The following CAPZA2 variants were observed in gnomAD, a reference collection of about 807,000 sequenced individuals.
CAPZA2 encodes the protein capping actin protein of muscle Z-line subunit alpha 2.
Under a neutral mutation model 44.0 loss-of-function variants are expected in CAPZA2, and 13 were observed. The ratio of observed to expected loss-of-function variants is 0.30; its 90% CI spans 0.19 to 0.47. The LOEUF (loss-of-function observed/expected upper bound fraction) is 0.47. CAPZA2 is among the 20% of genes least tolerant of loss of function. The probability of loss-of-function intolerance (pLI) is 1.00; values close to 1 mark genes in which losing one functional copy is unlikely to be tolerated. For synonymous variants in CAPZA2, 94 were observed against 108.2 expected, an observed-to-expected ratio of 0.87 and a Z score of 0.81; for missense variants, 244 against 338.6, an observed-to-expected ratio of 0.72 and a Z score of 2.19.
chr7:116,912,147 A>G lies in CAPZA2; in HGVS notation c.657+7A>G. 1 of 1,611,634 alleles carries G rather than the reference A, an allele frequency of 6.2e-7. No individual in the cohort carries two copies. Among genetic ancestry groups the G allele is most frequent in the Non-Finnish European group, 8.5e-7 (1 of 1,178,862 alleles). On this transcript the variant is annotated splice_region_variant and intron_variant, in intron 8 of 9. Transcript: ENST00000361183. Reference sequence around the variant, plus strand: ...AGATTCCCTAACAGTGTCTGTAAGTAATTAATTCCACAATAAAATTTAACC... The same window carrying G: ...AGATTCCCTAACAGTGTCTGTAAGTGATTAATTCCACAATAAAATTTAACC...
chr7:116,907,770 G>C (rs572841898), intron 6 of CAPZA2, among the ~76,000 whole-genome samples: 49 of 152,198 alleles, frequency 3.2e-4, no homozygotes, highest in Admixed American at 1.1e-3. Flanking sequence ...TTCACATGGT[G>C]CCCAACTTGT....
At chr7:116,908,824 A>G (rs1791549552) in intron 6 of CAPZA2, among the ~76,000 whole-genome samples, 1 of 152,136 alleles carries the variant, frequency 6.6e-6, no homozygotes, top group Admixed American at 6.5e-5. Flanking sequence ...TCTTTGAAAA[A>G]TCTTGGATGA....
Position 116,921,681 on chromosome 7 carries a change from CAAAAA to C in CAPZA2, c.*3817_*3821del, listed in dbSNP as rs901098470. On this transcript the variant is annotated 3_prime_UTR_variant, in exon 10 of 10. Transcript: ENST00000361183. The stretch of plus-strand genomic sequence containing the variant: ...TGGGTGACAGGGTGAGAGTCTGTCT[CAAAAA>C]AAGAAAAAGGAAATGTAAGAAGTGG... 1 of 151,376 alleles carries C rather than the reference CAAAAA, an allele frequency of 6.6e-6. No individual in the cohort carries two copies. The highest frequency in any genetic ancestry group is 6.6e-5 in the Admixed American group (1 of 15,202). 9.4% of individuals were successfully genotyped at this position (151,376 alleles called of 1,614,324 possible). A position where few individuals can be genotyped will look rare whatever the true frequency, so the allele number is the denominator to read the frequency against.
intron 2 of CAPZA2, among the ~76,000 whole-genome samples, chr7:116,891,807 G>A (rs768387927): frequency 3.3e-5 from 5 of 152,128 alleles, no homozygotes; most frequent in South Asian, 2.1e-4. Context: ...CACCACACCC[G>A]GCCAGGATAT....
intron 2 of CAPZA2, among the ~76,000 whole-genome samples, chr7:116,890,615 T>C (rs371020197): frequency 2.3e-3 from 170 of 74,890 alleles, no homozygotes; most frequent in South Asian, 8.7e-3. Flanking sequence ...CACACACACA[T>C]ATATACAAAA....
chr7:116,889,051 A>G (rs959921557), intron 2 of CAPZA2, among the ~76,000 whole-genome samples: 3 of 152,240 alleles, frequency 2.0e-5, no homozygotes, highest in Non-Finnish European at 2.9e-5. Context: ...ACTTCACAGT[A>G]TGCGTTCCTT....
intron 1 of CAPZA2, among the ~76,000 whole-genome samples, chr7:116,881,068 A>G (rs1360017420): frequency 6.6e-6 from 1 of 152,060 alleles, no homozygotes; most frequent in Non-Finnish European, 1.5e-5. Context: ...CTTTCACATT[A>G]CTTACATGGA....
chr7:116,863,559 C>T (rs897076662), intron 1 of CAPZA2, among the ~76,000 whole-genome samples: 2 of 152,234 alleles, frequency 1.3e-5, no homozygotes, highest in South Asian at 4.1e-4. Context: ...CTGCTGCTCT[C>T]TTAATTCGCC....
At chr7:116,911,956 A>C in intron 7 of CAPZA2, 113 bp from the exon 8 acceptor site, 1 of 1,529,366 alleles carries the variant, frequency 6.5e-7, no homozygotes, top group Non-Finnish European at 8.8e-7. Flanking sequence ...CTCAGCAGAG[A>C]AGTCTAGACT....
chr7:116,907,577 A>G (rs1708555725), intron 6 of CAPZA2, among the ~76,000 whole-genome samples: 1 of 152,186 alleles, frequency 6.6e-6, no homozygotes, highest in South Asian at 2.1e-4. Flanking sequence ...TAAGCTTACT[A>G]ATTTGTCTTT....
At chr7:116,879,957 T>C in intron 1 of CAPZA2, 1 of 362,090 alleles carries the variant, frequency 2.8e-6, no homozygotes, top group Non-Finnish European at 5.4e-6. Context: ...TGTTTATTTA[T>C]TCAGCTAATA....
At chr7:116,914,369 A>G (rs887135840) in intron 8 of CAPZA2, among the ~76,000 whole-genome samples, 1 of 151,884 alleles carries the variant, frequency 6.6e-6, no homozygotes, top group Non-Finnish European at 1.5e-5. Flanking sequence ...TTTAAGAAAC[A>G]TGTATGAATG....
chr7:116,905,095 C>A (rs1335424027), intron 5 of CAPZA2, among the ~76,000 whole-genome samples: 1 of 148,196 alleles, frequency 6.7e-6, no homozygotes, highest in Non-Finnish European at 1.5e-5. Context: ...GCCGAGATTG[C>A]GCCACTCCAC....
At chr7:116,910,067 A>G in intron 6 of CAPZA2, 166 bp from the exon 7 acceptor site, 2 of 635,434 alleles carry the variant, frequency 3.1e-6, no homozygotes, top group Non-Finnish European at 5.7e-6. Context: ...TCATAACTGG[A>G]CTTAACCTTT....
chr7:116,892,886 G>T (rs1796867923), intron 2 of CAPZA2, 108 bp from the exon 3 acceptor site: 4 of 494,642 alleles, frequency 8.1e-6, no homozygotes, highest in Non-Finnish European at 1.1e-5. Flanking sequence ...TTTTGATCTT[G>T]CTTGTGTTTG....
intron 2 of CAPZA2, among the ~76,000 whole-genome samples, chr7:116,891,191 A>G (rs975490457): frequency 5.3e-5 from 8 of 151,980 alleles, no homozygotes; most frequent in African/African-American, 1.9e-4. Flanking sequence ...TATTTCTTCT[A>G]CTCTTCTTAT....
chr7:116,900,735 A>G (rs796310246), intron 4 of CAPZA2, among the ~76,000 whole-genome samples: 35 of 152,296 alleles, frequency 2.3e-4, no homozygotes, highest in African/African-American at 8.2e-4. Flanking sequence ...CAGACAACCT[A>G]CAGAATGGGA....
In CAPZA2 at chr7:116,919,527, T is replaced by A. The variant is rs1009176596; in HGVS notation, c.*1660T>A. On this transcript the variant is annotated 3_prime_UTR_variant, in exon 10 of 10. Coordinates refer to ENST00000361183, the MANE Select transcript of CAPZA2 (RefSeq NM_006136.3). ...ATGCATTACTGAAAATGTATGCAAC[T>A]GTTTTTAAGGTGATTTGCTTGTGAG... 6.6e-6 allele frequency: 1 copy of A among 152,106 alleles called. No individual in the cohort carries two copies. The highest frequency in any genetic ancestry group is 1.5e-5 in the Non-Finnish European group (1 of 68,032). The allele number at this position is 152,106 out of a possible 1,614,324, so 9.4% of individuals were successfully genotyped here. A position where few individuals can be genotyped will look rare whatever the true frequency, so the allele number is the denominator to read the frequency against.
rs191597603 is a variant in CAPZA2 at position 116,885,048 on chromosome 7, C to T, written c.40-3079C>T. 7.2e-5 allele frequency among the ~76,000 whole-genome samples: 11 copies of T among 152,208 alleles called. No homozygotes were observed. The East Asian group carries it at 1.5e-3, about 21-fold the overall frequency. ...CTGTCTTATATATACTCTTTGGCGG[C>T]GAAGTGTCTATTCAAGTCCTCTGCT... On this transcript the variant is annotated intron_variant, in intron 1 of 9. Coordinates refer to ENST00000361183, the MANE Select transcript of CAPZA2 (RefSeq NM_006136.3).
Sources: gnomAD v4.1 joint callset for allele counts (sites outside exome capture counted in the v4.1 genomes callset) on GRCh38, gnomAD v4.1.1 for gene constraint, MANE v1.5 for transcripts, NCBI Gene and HGNC (gene_info 2026-07-23, HGNC 2026-07-21) for gene names.